The following TMEM82 variants were observed in gnomAD, a reference collection of about 807,000 sequenced individuals.
TMEM82 encodes the protein transmembrane protein 82.
In TMEM82, 30 loss-of-function variants were observed where a neutral mutation model predicts 29.2. That is an observed-to-expected ratio of 1.03 (90% CI 0.77 to 1.39). The LOEUF is 1.39. Ranked by LOEUF, TMEM82 falls within the 40% of genes most tolerant of loss-of-function variation. TMEM82 has a pLI of 0.00. For synonymous variants in TMEM82, 221 were observed against 225.4 expected, an observed-to-expected ratio of 0.98 and a Z score of 0.18; for missense variants, 442 against 447.7, an observed-to-expected ratio of 0.99 and a Z score of 0.12.
Position 15,743,102 on chromosome 1 carries a change from CTG to C in TMEM82, c.246_247del (p.Phe83SerfsTer133), listed in dbSNP as rs1307670254. 1 of 1,612,070 alleles carries C rather than the reference CTG, an allele frequency of 6.2e-7. No individual in the cohort carries two copies. The highest frequency in any genetic ancestry group is 8.5e-7 in the Non-Finnish European group (1 of 1,179,734). The part of the protein sequence containing the change: ...LETVHLAGLA[L>X]FLTVVGSRVA... Reference sequence around the variant, plus strand: ...AACGGTGCACCTGGCAGGGCTGGCCCTGTTTCTGACGGTCGTGGGGTCCCGGG... The same window carrying C: ...AACGGTGCACCTGGCAGGGCTGGCCCTTTCTGACGGTCGTGGGGTCCCGGG... On this transcript the variant is annotated frameshift_variant, in exon 3 of 6. Transcript: ENST00000375782. LOFTEE classifies it high-confidence loss of function.
chr1:15,746,798 G>A, intron 4 of TMEM82, 69 bp from the exon 5 acceptor site: 1 of 1,351,790 alleles, frequency 7.4e-7, no homozygotes, highest in Non-Finnish European at 1.0e-6. Flanking sequence ...TGTGGAGGGT[G>A]GGTCAGGGAG....
In TMEM82 at chr1:15,743,117, G is replaced by A. The variant is rs142233857; in HGVS notation, c.259G>A (p.Val87Met). Residue 87 changes from valine (V) to methionine (M), a missense_variant, in exon 3 of 6, where the codon GTG (valine) becomes ATG (methionine). Transcript: ENST00000375782. ...AGGGCTGGCCCTGTTTCTGACGGTC[G>A]TGGGGTCCCGGGTGGCTGCCCTCGT... ...LAGLALFLTVVGSRVAALVVL... is the reference protein window; with the variant it reads ...LAGLALFLTVMGSRVAALVVL... 2,090 of 1,612,058 alleles carry A rather than the reference G, an allele frequency of 1.3e-3. 2 individuals are homozygous for A. Among genetic ancestry groups the A allele is most frequent in the Admixed American group, 2.6e-3 (157 of 59,970 alleles).
In TMEM82 at chr1:15,744,087, G is replaced by T; in HGVS notation, c.337-73G>T. The T allele has an allele frequency of 7.0e-7, 1 of 1,421,422 alleles. No individual in the cohort carries two copies. Among genetic ancestry groups the T allele is most frequent in the Non-Finnish European group, 9.2e-7 (1 of 1,086,136 alleles). 88.1% of individuals were successfully genotyped at this position (1,421,422 alleles called of 1,614,324 possible). ...CATCCCCAAGGTCCCTTCAGGCTCC[G>T]GCTTCCTGTGGTGGGCAGCACCTGT... On this transcript the variant is annotated intron_variant, in intron 3 of 5. Transcript: ENST00000375782. The surrounding 1 kb of genome is among the most constrained non-coding windows in gnomAD (Gnocchi z 5.2).
At chr1:15,746,465 G>A (rs573370952) in intron 4 of TMEM82, among the ~76,000 whole-genome samples, 1 of 151,984 alleles carries the variant, frequency 6.6e-6, no homozygotes, top group Admixed American at 6.6e-5. Flanking sequence ...GAGGCTTCTT[G>A]GAAAGAGGAA....
Position 15,744,091 on chromosome 1 carries a change from TCCTGTGGTGGGCAGCA to T in TMEM82, c.337-59_337-44del, listed in dbSNP as rs1172455339. On this transcript the variant is annotated intron_variant, in intron 3 of 5. Coordinates refer to ENST00000375782, the MANE Select transcript of TMEM82 (RefSeq NM_001013641.3). This position sits in a 1 kb window ranked among gnomAD's most constrained non-coding sequence, Gnocchi z 5.2. ...CCCAAGGTCCCTTCAGGCTCCGGCTTCCTGTGGTGGGCAGCACCTGTGGTGAGGCAGCCCCCACATC... is the reference window on the plus strand; with the variant it reads ...CCCAAGGTCCCTTCAGGCTCCGGCTTCCTGTGGTGAGGCAGCCCCCACATC... 2.1e-6 allele frequency: 3 copies of T among 1,424,098 alleles called. No individual in the cohort carries two copies. The highest frequency in any genetic ancestry group is 2.8e-5 in the Admixed American group (1 of 36,074). 88.2% of individuals were successfully genotyped at this position (1,424,098 alleles called of 1,614,324 possible).
chr1:15,747,579 C>G lies in TMEM82; in HGVS notation c.979C>G (p.Pro327Ala), dbSNP rs754256691. The G allele has an allele frequency of 6.2e-7, 1 of 1,613,976 alleles. No individual in the cohort carries two copies. The highest frequency in any genetic ancestry group is 1.3e-5 in the African/African-American group (1 of 74,928). Residue 327 changes from proline to alanine, a missense_variant, in exon 6 of 6, where the codon CCA (proline) becomes GCA (alanine). Physicochemically the swap from Pro to Ala is conservative, Grantham distance 27 (BLOSUM62 -1). Transcript: ENST00000375782. Reference sequence around the variant, plus strand: ...ATCCCAGAGGCCTCCAGTGTCAACACCAAGCCAGCCCCTGCCCTCGGCACC... The same window carrying G: ...ATCCCAGAGGCCTCCAGTGTCAACAGCAAGCCAGCCCCTGCCCTCGGCACC... ...FPSQRPPVST[P>A]SQPLPSAPQS... is the part of the protein sequence containing the mutation.
At position 15,742,827 on chromosome 1, in the gene TMEM82, C is replaced by T; in HGVS notation, c.89-8C>T. The T allele has an allele frequency of 1.2e-6, 2 of 1,610,978 alleles. No homozygotes were observed. The highest frequency in any genetic ancestry group is 1.7e-6 in the Non-Finnish European group (2 of 1,178,614). The stretch of plus-strand genomic sequence containing the variant: ...CGCTGCCTCGCTGCCTCCCTCCCGC[C>T]CCCTCAGGCCTGATCGGGGCCCTTG... On this transcript the variant is annotated splice_polypyrimidine_tract_variant and splice_region_variant and intron_variant, in intron 1 of 5. Coordinates refer to ENST00000375782, the MANE Select transcript of TMEM82 (RefSeq NM_001013641.3).
chr1:15,743,250 C>T (rs2068306422), intron 3 of TMEM82, 56 bp downstream of exon 3: 4 of 1,539,196 alleles, frequency 2.6e-6, no homozygotes, highest in African/African-American at 1.4e-5. Flanking sequence ...GGCCCGGGCT[C>T]ACCCCCGGAA....
At chr1:15,742,715 C>A (rs1009478848) in intron 1 of TMEM82, 68 bp downstream of exon 1, 11 of 1,511,808 alleles carry the variant, frequency 7.3e-6, no homozygotes, top group Middle Eastern at 1.8e-4. Context: ...CAGGGTGGAC[C>A]CCACCCACCT....
rs907090189 is a variant in TMEM82, at chr1:15,744,714, C to G, written c.757+134C>G. On this transcript the variant is annotated intron_variant, in intron 4 of 5. Coordinates refer to ENST00000375782, the MANE Select transcript of TMEM82 (RefSeq NM_001013641.3). This position sits in a 1 kb window ranked among gnomAD's most constrained non-coding sequence, Gnocchi z 5.2. ...CCTGGTCAGGACAGAGGCTGTGTGG[C>G]GGGGGCAGTGCAGAGAAGCAGCATG... The G allele has an allele frequency of 1.8e-6, 2 of 1,125,168 alleles. No homozygotes were observed. Among genetic ancestry groups the G allele is most frequent in the African/African-American group, 3.2e-5 (2 of 63,312 alleles). 69.7% of individuals were successfully genotyped at this position (1,125,168 alleles called of 1,614,324 possible). A position where few individuals can be genotyped will look rare whatever the true frequency, so the allele number is the denominator to read the frequency against.
In TMEM82 at chr1:15,747,029, C is replaced by A. The variant is rs55947911; in HGVS notation, c.920C>A (p.Thr307Asn). 8,728 of 1,609,628 alleles carry A rather than the reference C, an allele frequency of 5.4e-3. 350 individuals carry two copies. In the African/African-American group the frequency reaches 0.09, roughly 17 times the overall value. ...GELWCLVGVR[T>N]LLDLCQIQDF... ...CTCTGGTGTCTCGTGGGCGTCCGCA[C>A]CCTGCTTGACCTCTGCCAGATACAG... is the stretch of plus-strand genomic sequence containing the variant. The change falls in exon 5 of 6, where the codon ACC becomes AAC. Residue 307 changes from threonine (T) to asparagine (N), a missense_variant. Physicochemically the swap from Thr to Asn is moderately conservative, Grantham distance 65. Coordinates refer to ENST00000375782, the MANE Select transcript of TMEM82 (RefSeq NM_001013641.3).
rs370054890 is a variant in TMEM82 at position 15,744,135 on chromosome 1, G to A, written c.337-25G>A. The A allele has an allele frequency of 6.8e-5, 100 of 1,477,874 alleles. No individual in the cohort carries two copies. In the African/African-American group the frequency reaches 7.9e-4, roughly 12 times the overall value. The allele number at this position is 1,477,874 out of a possible 1,614,324, so 91.5% of individuals were successfully genotyped here. On this transcript the variant is annotated intron_variant, in intron 3 of 5. Transcript: ENST00000375782. The surrounding 1 kb of genome is among the most constrained non-coding windows in gnomAD (Gnocchi z 5.2). ...TGTGGTGAGGCAGCCCCCACATCTC[G>A]GCCCCTCTTCGGCACTCCCCGCAGG...
At chr1:15,745,910 A>T (rs1297616495) in intron 4 of TMEM82, among the ~76,000 whole-genome samples, 1 of 150,234 alleles carries the variant, frequency 6.7e-6, no homozygotes, top group African/African-American at 2.4e-5. Flanking sequence ...AAAAAAAAAA[A>T]GAAGGGGTCT....
Position 15,746,868 on chromosome 1 carries a change from G to T in TMEM82, c.759G>T (p.Glu253Asp). Residue 253 changes from glutamate to aspartate, a missense_variant and splice_region_variant, in exon 5 of 6, where the codon GAG (glutamate) becomes GAT (aspartate). Glu to Asp is a conservative substitution (Grantham distance 45). Coordinates refer to ENST00000375782, the MANE Select transcript of TMEM82 (RefSeq NM_001013641.3). ...CYTLLVIYMQ[E>D]EQRQHPGLQS... ...GTGACAGGCACCCGCATCCCACAGA[G>T]GAGCAGCGGCAGCACCCCGGCCTGC... The T allele has an allele frequency of 6.4e-7, 1 of 1,574,078 alleles. No homozygotes were observed. Among genetic ancestry groups the T allele is most frequent in the Non-Finnish European group, 8.6e-7 (1 of 1,165,870 alleles).
chr1:15,743,176 G>A lies in TMEM82; in HGVS notation c.318G>A (p.Thr106=), dbSNP rs138383534. The A allele has an allele frequency of 5.6e-4, 905 of 1,608,564 alleles. 1 individual carries two copies. In the African/African-American group the frequency reaches 9.0e-3, roughly 16 times the overall value. The part of the protein sequence containing the change: ...VLEFSLRAVS[T]LLSLGKGSQG... ...AGTTCTCCCTCCGGGCCGTGTCCAC[G>A]CTGCTGTCCCTGGGCAAGGTGAGGC... The change falls in exon 3 of 6, where the codon ACG becomes ACA. Residue 106 remains threonine, a synonymous_variant. Coordinates refer to ENST00000375782, the MANE Select transcript of TMEM82 (RefSeq NM_001013641.3).
rs537447799 is a variant in TMEM82 at position 15,746,775 on chromosome 1, G to A, written c.758-92G>A. 109 of 1,103,870 alleles carry A rather than the reference G, an allele frequency of 9.9e-5. 2 individuals carry two copies. In the South Asian group the frequency reaches 1.2e-3, roughly 12 times the overall value. The allele number at this position is 1,103,870 out of a possible 1,614,324, so 68.4% of individuals were successfully genotyped here. A position where few individuals can be genotyped will look rare whatever the true frequency, so the allele number is the denominator to read the frequency against. ...GATGGGAGGAGGGCTGCACGGGAGGGGAAGGCTCATCCTGTGGAGGGTGGG... is the reference window on the plus strand; with the variant it reads ...GATGGGAGGAGGGCTGCACGGGAGGAGAAGGCTCATCCTGTGGAGGGTGGG... On this transcript the variant is annotated intron_variant, in intron 4 of 5. Coordinates refer to ENST00000375782, the MANE Select transcript of TMEM82 (RefSeq NM_001013641.3).
Position 15,744,074 on chromosome 1 carries a change from C to G in TMEM82, c.337-86C>G. The G allele has an allele frequency of 7.3e-7, 1 of 1,371,996 alleles. No homozygotes were observed. The highest frequency in any genetic ancestry group is 1.5e-5 in the South Asian group (1 of 66,016). 85.0% of individuals were successfully genotyped at this position (1,371,996 alleles called of 1,614,324 possible). Reference sequence around the variant, plus strand: ...CCCCTTCGGGAACCATCCCCAAGGTCCCTTCAGGCTCCGGCTTCCTGTGGT... The same window carrying G: ...CCCCTTCGGGAACCATCCCCAAGGTGCCTTCAGGCTCCGGCTTCCTGTGGT... On this transcript the variant is annotated intron_variant, in intron 3 of 5. Coordinates refer to ENST00000375782, the MANE Select transcript of TMEM82 (RefSeq NM_001013641.3). The surrounding 1 kb of genome is among the most constrained non-coding windows in gnomAD (Gnocchi z 5.2).
In TMEM82 at chr1:15,744,134, C is replaced by T. The variant is rs926423130; in HGVS notation, c.337-26C>T. Reference sequence around the variant, plus strand: ...CTGTGGTGAGGCAGCCCCCACATCTCGGCCCCTCTTCGGCACTCCCCGCAG... The same window carrying T: ...CTGTGGTGAGGCAGCCCCCACATCTTGGCCCCTCTTCGGCACTCCCCGCAG... On this transcript the variant is annotated intron_variant, in intron 3 of 5. Coordinates refer to ENST00000375782, the MANE Select transcript of TMEM82 (RefSeq NM_001013641.3). This position sits in a 1 kb window ranked among gnomAD's most constrained non-coding sequence, Gnocchi z 5.2. 2.2e-5 allele frequency: 32 copies of T among 1,476,560 alleles called. No individual in the cohort carries two copies. The highest frequency in any genetic ancestry group is 1.1e-4 in the African/African-American group (8 of 71,866). The allele number at this position is 1,476,560 out of a possible 1,614,324, so 91.5% of individuals were successfully genotyped here.
In TMEM82 at chr1:15,742,551, G is replaced by A. The variant is rs558098792; in HGVS notation, c.-9G>A. 27 of 1,570,386 alleles carry A rather than the reference G, an allele frequency of 1.7e-5. No homozygotes were observed. Among genetic ancestry groups the A allele is most frequent in the Middle Eastern group, 1.7e-4 (1 of 5,842 alleles). ...CTGGCCGGAGGCTGGGGCTCCTTCC[G>A]GGGCTGCCATGTTCTCTCTTCCATC... On this transcript the variant is annotated 5_prime_UTR_variant, in exon 1 of 6. Coordinates refer to ENST00000375782, the MANE Select transcript of TMEM82 (RefSeq NM_001013641.3).
Sources: gnomAD v4.1 joint callset for allele counts (sites outside exome capture counted in the v4.1 genomes callset) on GRCh38, gnomAD v4.1.1 for gene constraint, Gnocchi (gnomAD v3.1) non-coding constraint, MANE v1.5 for transcripts, NCBI Gene and HGNC (gene_info 2026-07-23, HGNC 2026-07-21) for gene names.